Variants in TIMELESS observed in about 807,000 individuals in gnomAD.
The protein encoded by TIMELESS is timeless circadian regulator, also known as protein timeless homolog.
In TIMELESS, 124 loss-of-function variants were observed where a neutral mutation model predicts 164.3. The ratio of observed to expected loss-of-function variants is 0.75; its 90% CI spans 0.65 to 0.88. The LOEUF is 0.88. TIMELESS is among the 40% of genes least tolerant of loss of function. The pLI is 0.00. For synonymous variants in TIMELESS, 564 were observed against 563.4 expected, an observed-to-expected ratio of 1.00 and a Z score of -0.02; for missense variants, 1,422 against 1,491.4, an observed-to-expected ratio of 0.95 and a Z score of 0.77.
chr12:56,423,500 G>A (rs753696923), intron 17 of TIMELESS, 25 bp from the exon 18 acceptor site: 3 of 1,613,766 alleles, frequency 1.9e-6, no homozygotes, highest in Non-Finnish European at 2.5e-6. Context: ...GGAGGGAGAG[G>A]ATGTCAGCAT....
At chr12:56,441,199 T>A (rs774042) in intron 1 of TIMELESS, among the ~76,000 whole-genome samples, 10,150 of 152,300 alleles carry the variant, frequency 0.067, 419 homozygotes, top group Admixed American at 0.12. Flanking sequence ...TCTAGTAATT[T>A]TATTTTACAG....
In TIMELESS at chr12:56,428,172, G is replaced by A. The variant is rs914570962; in HGVS notation, c.1578+64C>T. On this transcript the variant is annotated intron_variant, in intron 13 of 28. Transcript: ENST00000553532. ...ACTTAAGCTGTACAAACTGTGAGAA[G>A]AAAGAGCCCCCCTTCCTTGACTCTC... The A allele has an allele frequency of 2.7e-6, 4 of 1,469,198 alleles. No individual in the cohort carries two copies. In the African/African-American group the frequency reaches 5.7e-5, roughly 21 times the overall value. The allele number at this position is 1,469,198 out of a possible 1,614,324, so 91.0% of individuals were successfully genotyped here. A position where few individuals can be genotyped will look rare whatever the true frequency, so the allele number is the denominator to read the frequency against.
rs752543229 is a variant in TIMELESS, at chr12:56,421,822, G to T, written c.2643-13C>A. ...ATGGGTTCCTTTCCTGATTAGGAAG[G>T]TGTCAGTGGAAGAGGAAGCCCAGGA... On this transcript the variant is annotated splice_polypyrimidine_tract_variant and intron_variant, in intron 21 of 28. Coordinates refer to ENST00000553532, the MANE Select transcript of TIMELESS (RefSeq NM_003920.5). The T allele has an allele frequency of 6.2e-7, 1 of 1,614,040 alleles. No individual in the cohort carries two copies. The highest frequency in any genetic ancestry group is 2.2e-5 in the East Asian group (1 of 44,880).
At chr12:56,419,840 T>A (rs1472022749) in intron 26 of TIMELESS, among the ~76,000 whole-genome samples, 1 of 150,186 alleles carries the variant, frequency 6.7e-6, no homozygotes, top group Admixed American at 6.7e-5. Context: ...ACCCCATCTC[T>A]ACAAAAAATA....
rs1881300099 is a variant in TIMELESS at position 56,417,421 on chromosome 12, C to G, written c.*295G>C. ...GGGTGCTTTCTCTATTTCACTCACTCCTCTTATTTGCTAAGGAGCTCCAAT... is the reference window on the plus strand; with the variant it reads ...GGGTGCTTTCTCTATTTCACTCACTGCTCTTATTTGCTAAGGAGCTCCAAT... On this transcript the variant is annotated 3_prime_UTR_variant, in exon 29 of 29. Coordinates refer to ENST00000553532, the MANE Select transcript of TIMELESS (RefSeq NM_003920.5). The G allele has an allele frequency of 2.3e-5, 8 of 347,556 alleles. No homozygotes were observed. The South Asian group carries it at 3.5e-4, about 15-fold the overall frequency. The allele number at this position is 347,556 out of a possible 1,614,324, so 21.5% of individuals were successfully genotyped here.
At chr12:56,443,827 C>T (rs1868312003) in intron 1 of TIMELESS, among the ~76,000 whole-genome samples, 1 of 151,980 alleles carries the variant, frequency 6.6e-6, no homozygotes. Flanking sequence ...GGGGCTGGTT[C>T]CCCCGATAAC....
chr12:56,435,354 C>CTT (rs1450558666), intron 1 of TIMELESS, among the ~76,000 whole-genome samples: 1 of 150,976 alleles, frequency 6.6e-6, no homozygotes, highest in African/African-American at 2.4e-5. Context: ...GAATCATCTT[C>CTT]TTTTAAAAAA....
Position 56,417,555 on chromosome 12 carries a change from ACTG to A in TIMELESS, c.*158_*160del. ...AAGACTGACAGCAGAGAAGTCCAAT[ACTG>A]CTGCTGAAGTTTCTCAGCCTAAATC... is the stretch of plus-strand genomic sequence containing the variant. On this transcript the variant is annotated 3_prime_UTR_variant, in exon 29 of 29. Transcript: ENST00000553532. 1 of 655,540 alleles carries A rather than the reference ACTG, an allele frequency of 1.5e-6. No individual in the cohort carries two copies. The highest frequency in any genetic ancestry group is 1.9e-5 in the South Asian group (1 of 52,062). The allele number at this position is 655,540 out of a possible 1,614,324, so 40.6% of individuals were successfully genotyped here. A position where few individuals can be genotyped will look rare whatever the true frequency, so the allele number is the denominator to read the frequency against.
chr12:56,428,325 A>G lies in TIMELESS; in HGVS notation c.1489T>C (p.Ser497Pro), dbSNP rs137978524. The G allele has an allele frequency of 5.6e-6, 9 of 1,613,730 alleles. No individual in the cohort carries two copies. The highest frequency in any genetic ancestry group is 3.3e-4 in the Middle Eastern group (2 of 6,058). The stretch of plus-strand genomic sequence containing the variant: ...GTCTCCACCAGGTCACGAAGGAAAG[A>G]GCGGGGCTGGCATCTCTCATCAAAC... ...RKFDERCQPR[S>P]FLRDLVETTH... Residue 497 changes from serine (S) to proline (P), a missense_variant, in exon 13 of 29, where the codon TCT becomes CCT. Ser to Pro is a moderately conservative substitution (Grantham distance 74). Transcript: ENST00000553532.
chr12:56,423,185 C>G, intron 18 of TIMELESS, 89 bp downstream of exon 18: 1 of 1,507,424 alleles, frequency 6.6e-7, no homozygotes, highest in Non-Finnish European at 9.0e-7. Flanking sequence ...CCCTTGACAC[C>G]TCTCAGCACC....
chr12:56,426,254 TA>T (rs1881673779), intron 13 of TIMELESS, among the ~76,000 whole-genome samples: 1 of 152,154 alleles, frequency 6.6e-6, no homozygotes. Context: ...TTACAGATAA[TA>T]CCACAGAGCT....
chr12:56,432,397 T>G lies in TIMELESS; in HGVS notation c.659A>C (p.Glu220Ala), dbSNP rs765136337. Residue 220 changes from glutamate to alanine, a missense_variant, in exon 7 of 29, where the codon GAG becomes GCG. By Grantham distance (107) the Glu-to-Ala change is moderately radical (BLOSUM62 -1). Coordinates refer to ENST00000553532, the MANE Select transcript of TIMELESS (RefSeq NM_003920.5). ...AEEQWSLHVL[E>A]IVSLMFRDQN... ...GTCACGAAACATAAGGGAGACAATC[T>G]CTAGCACATGTAGGCTCCATTGCTC... 6.2e-7 allele frequency: 1 copy of G among 1,614,098 alleles called. No individual in the cohort carries two copies. Among genetic ancestry groups the G allele is most frequent in the African/African-American group, 1.3e-5 (1 of 75,030 alleles).
At chr12:56,431,053 G>A (rs1881859813) in intron 8 of TIMELESS, 85 bp from the exon 9 acceptor site, 2 of 953,672 alleles carry the variant, frequency 2.1e-6, no homozygotes, top group East Asian at 2.9e-5. Flanking sequence ...ATTGGAGCAA[G>A]TTAAAACTAC....
rs77132644 is a variant in TIMELESS at position 56,425,282 on chromosome 12, T to C, written c.1579-130A>G. On this transcript the variant is annotated intron_variant, in intron 13 of 28. Transcript: ENST00000553532. ...CCCATTATCTGCTATCCATCGGTAA[T>C]AGAAAGCAATAGTGAACAGCATATT... The C allele has an allele frequency of 1.6e-3, 1,826 of 1,108,674 alleles. 4 individuals are homozygous for C. Among genetic ancestry groups the C allele is most frequent in the Non-Finnish European group, 2.0e-3 (1,588 of 799,860 alleles). The allele number at this position is 1,108,674 out of a possible 1,614,324, so 68.7% of individuals were successfully genotyped here.
At chr12:56,434,853 T>C (rs540699621) in intron 1 of TIMELESS, among the ~76,000 whole-genome samples, 1 of 152,170 alleles carries the variant, frequency 6.6e-6, no homozygotes, top group Non-Finnish European at 1.5e-5. Context: ...TGTTCAAGAT[T>C]AGCCTGGGCA....
At chr12:56,425,629 C>T (rs1001885690) in intron 13 of TIMELESS, among the ~76,000 whole-genome samples, 7 of 152,162 alleles carry the variant, frequency 4.6e-5, no homozygotes, top group African/African-American at 1.4e-4. Flanking sequence ...AGTCCCAACA[C>T]TTTGGGAAGC....
At chr12:56,420,185 T>C (rs1162072457) in intron 26 of TIMELESS, among the ~76,000 whole-genome samples, 1 of 151,210 alleles carries the variant, frequency 6.6e-6, no homozygotes, top group Non-Finnish European at 1.5e-5. Context: ...AATGACGAAG[T>C]ATACAGGTTG....
chr12:56,445,653 G>A (rs1156851717), intron 1 of TIMELESS, among the ~76,000 whole-genome samples: 6 of 148,256 alleles, frequency 4.0e-5, no homozygotes, highest in African/African-American at 7.5e-5. Flanking sequence ...CAGGAGAATC[G>A]CTTGAGGCGG....
At chr12:56,435,519 T>C (rs1363241333) in intron 1 of TIMELESS, among the ~76,000 whole-genome samples, 1 of 152,200 alleles carries the variant, frequency 6.6e-6, no homozygotes, top group African/African-American at 2.4e-5. Flanking sequence ...CCATCATGCC[T>C]GGCCTTTTAA....
Sources: gnomAD v4.1 joint callset for allele counts (sites outside exome capture counted in the v4.1 genomes callset) on GRCh38, gnomAD v4.1.1 for gene constraint, MANE v1.5 for transcripts, NCBI Gene and HGNC (gene_info 2026-07-23, HGNC 2026-07-21) for gene names.